SH3RF1: variants seen among roughly 807,000 people sequenced by gnomAD.
SH3RF1 encodes E3 ubiquitin-protein ligase SH3RF1.
SH3RF1 carries 32 observed loss-of-function variants against 74.0 expected under a neutral mutation model. That is an observed-to-expected ratio of 0.43 (90% CI 0.33 to 0.58). SH3RF1 has a LOEUF of 0.58. SH3RF1 is among the 20% of genes least tolerant of loss of function. SH3RF1 has a pLI of 0.05. For missense variants in SH3RF1, 954 were observed against 1,130.9 expected, an observed-to-expected ratio of 0.84 and a Z score of 2.24; for synonymous variants, 396 against 439.6, an observed-to-expected ratio of 0.90 and a Z score of 1.24.
chr4:169,212,065 T>G (rs1327661103), intron 2 of SH3RF1, among the ~76,000 whole-genome samples: 3 of 133,100 alleles, frequency 2.3e-5, no homozygotes, highest in Non-Finnish European at 4.8e-5. Flanking sequence ...TTCTTTTTTT[T>G]TTTTTTTTTT....
chr4:169,228,357 T>C (rs979891397), intron 2 of SH3RF1, among the ~76,000 whole-genome samples: 2 of 152,014 alleles, frequency 1.3e-5, no homozygotes, highest in Non-Finnish European at 2.9e-5. Flanking sequence ...TGGGTCTCTC[T>C]GAGCTAAAAT....
chr4:169,143,186 C>A (rs1206906381), intron 4 of SH3RF1, among the ~76,000 whole-genome samples: 1 of 152,130 alleles, frequency 6.6e-6, no homozygotes, highest in African/African-American at 2.4e-5. Context: ...ATGAGCCACA[C>A]TTGGAATTTA....
chr4:169,252,382 G>A (rs951496715), intron 2 of SH3RF1, among the ~76,000 whole-genome samples: 2 of 152,174 alleles, frequency 1.3e-5, no homozygotes, highest in African/African-American at 4.8e-5. Flanking sequence ...TCTGGAGTCA[G>A]ATATACAATA....
At position 169,122,242 on chromosome 4, in the gene SH3RF1, G is replaced by A; in HGVS notation, c.1204C>T (p.Pro402Ser). The stretch of plus-strand genomic sequence containing the variant: ...AGGACAGTGGCAGCCAGGAGAGGGG[G>A]TGGTGGAAGAGGAGGATTCAAAGTC... ...LGTLNPPLPP[P>S]PLLAATVLAS... The change falls in exon 7 of 12, where the codon CCC becomes TCC. Residue 402 changes from proline to serine, a missense_variant. Transcript: ENST00000284637. 1 of 1,606,584 alleles carries A rather than the reference G, an allele frequency of 6.2e-7. No individual in the cohort carries two copies. Among genetic ancestry groups the A allele is most frequent in the South Asian group, 1.1e-5 (1 of 90,276 alleles).
intron 2 of SH3RF1, among the ~76,000 whole-genome samples, chr4:169,165,424 G>A (rs1734219609): frequency 6.6e-6 from 1 of 152,194 alleles, no homozygotes; most frequent in Admixed American, 6.5e-5. Flanking sequence ...GCTCATGCCT[G>A]CAAACCCAGC....
At chr4:169,213,851 C>T (rs537705675) in intron 2 of SH3RF1, among the ~76,000 whole-genome samples, 1 of 152,314 alleles carries the variant, frequency 6.6e-6, no homozygotes, top group African/African-American at 2.4e-5. Flanking sequence ...TTTCTGGGCT[C>T]TCTAATCTAG....
chr4:169,183,946 T>A (rs1001413675), intron 2 of SH3RF1, among the ~76,000 whole-genome samples: 2 of 152,220 alleles, frequency 1.3e-5, no homozygotes, highest in African/African-American at 4.8e-5. Flanking sequence ...ACTGTCTCCA[T>A]GAGCAGGGCT....
chr4:169,170,029 T>C (rs940025923), intron 2 of SH3RF1, among the ~76,000 whole-genome samples: 1 of 151,630 alleles, frequency 6.6e-6, no homozygotes, highest in Non-Finnish European at 1.5e-5. Context: ...AACAATTTTA[T>C]CAATAGATAG....
intron 2 of SH3RF1, among the ~76,000 whole-genome samples, chr4:169,170,707 T>C (rs887540708): frequency 1.3e-5 from 2 of 152,170 alleles, no homozygotes; most frequent in African/African-American, 4.8e-5. Flanking sequence ...CCATCCTATA[T>C]AGATCTGCCA....
At chr4:169,099,845 G>A (rs538868615) in intron 11 of SH3RF1, among the ~76,000 whole-genome samples, 1 of 152,142 alleles carries the variant, frequency 6.6e-6, no homozygotes, top group Non-Finnish European at 1.5e-5. Flanking sequence ...TAAACCTCTG[G>A]GGGGGCGGGT....
chr4:169,263,231 G>A (rs1321111671), intron 2 of SH3RF1, among the ~76,000 whole-genome samples: 5 of 152,102 alleles, frequency 3.3e-5, no homozygotes, highest in Non-Finnish European at 7.4e-5. Flanking sequence ...GGTATTCTTT[G>A]ACCATGCACT....
chr4:169,141,505 ATTGTT>A (rs1733786220), intron 4 of SH3RF1, among the ~76,000 whole-genome samples: 1 of 151,964 alleles, frequency 6.6e-6, no homozygotes, highest in African/African-American at 2.4e-5. Flanking sequence ...GGTGTATTAT[ATTGTT>A]TTAACTTGTA....
chr4:169,204,413 A>G (rs1730198324), intron 2 of SH3RF1, among the ~76,000 whole-genome samples: 2 of 152,062 alleles, frequency 1.3e-5, no homozygotes, highest in South Asian at 2.1e-4. Flanking sequence ...CCAACACTCA[A>G]ACAAAAAACT....
intron 11 of SH3RF1, among the ~76,000 whole-genome samples, chr4:169,103,086 ATTTTTTTTTTT>A (rs60740517): frequency 3.4e-5 from 3 of 87,072 alleles, no homozygotes; most frequent in South Asian, 4.7e-4. Context: ...GCGCCTGGCT[ATTTTTTTTTTT>A]TTTTTTTTTT....
At chr4:169,254,509 G>C (rs1053389871) in intron 2 of SH3RF1, among the ~76,000 whole-genome samples, 2 of 152,136 alleles carry the variant, frequency 1.3e-5, no homozygotes, top group Admixed American at 1.3e-4. Flanking sequence ...CCTGTTGATA[G>C]TGGCCAATTG....
At chr4:169,140,708 TA>T (rs199611066) in intron 4 of SH3RF1, among the ~76,000 whole-genome samples, 1,674 of 152,294 alleles carry the variant, frequency 0.011, 11 homozygotes, top group Non-Finnish European at 0.015. Flanking sequence ...TAGCCTTTTT[TA>T]AAAGGCGGGA....
At chr4:169,146,232 C>CATTTTT (rs1554005769) in intron 4 of SH3RF1, among the ~76,000 whole-genome samples, 1 of 132,632 alleles carries the variant, frequency 7.5e-6, no homozygotes, top group Non-Finnish European at 1.6e-5. Context: ...TATATATATA[C>CATTTTT]TTTTTTTTTT....
intron 2 of SH3RF1, among the ~76,000 whole-genome samples, chr4:169,192,665 T>C (rs1387360100): frequency 1.3e-5 from 2 of 152,018 alleles, no homozygotes; most frequent in Non-Finnish European, 2.9e-5. Context: ...GAAGTCATTA[T>C]ATGAAAAAGA....
At chr4:169,202,919 A>C (rs1273603355) in intron 2 of SH3RF1, among the ~76,000 whole-genome samples, 1 of 152,208 alleles carries the variant, frequency 6.6e-6, no homozygotes. Flanking sequence ...TTTAAAATGT[A>C]TATATCTAAA....
Sources: gnomAD v4.1 joint callset for allele counts (sites outside exome capture counted in the v4.1 genomes callset) on GRCh38, gnomAD v4.1.1 for gene constraint, MANE v1.5 for transcripts, NCBI Gene and HGNC (gene_info 2026-07-23, HGNC 2026-07-21) for gene names.